The following LIPC variants were observed in gnomAD, a reference collection of about 807,000 sequenced individuals.
The protein encoded by LIPC is lipase C, hepatic type.
A neutral mutation model predicts 50.7 loss-of-function variants in LIPC; 44 were observed. The ratio of observed to expected loss-of-function variants is 0.87; its 90% CI spans 0.68 to 1.11. LIPC has a LOEUF of 1.11. LIPC is among the 50% of genes most tolerant of loss of function. The pLI is 0.00. For missense variants in LIPC, 697 were observed against 648.2 expected (o/e 1.08, Z -0.82); for synonymous variants, 271 against 256.4 (o/e 1.06, Z -0.54).
At chr15:58,530,016 T>C (rs1892910101) in intron 1 of LIPC, among the ~76,000 whole-genome samples, 1 of 152,256 alleles carries the variant, frequency 6.6e-6, no homozygotes, top group South Asian at 2.1e-4. Flanking sequence ...CTTGGTGTGG[T>C]AAAACGGATT....
intron 1 of LIPC, among the ~76,000 whole-genome samples, chr15:58,516,762 G>A (rs1409257742): frequency 6.6e-6 from 1 of 152,138 alleles, no homozygotes; most frequent in Non-Finnish European, 1.5e-5. Flanking sequence ...TATAAGAACT[G>A]TTTTAATGTT....
intron 1 of LIPC, among the ~76,000 whole-genome samples, chr15:58,467,430 C>T (rs916695401): frequency 2.0e-5 from 3 of 152,166 alleles, no homozygotes; most frequent in Non-Finnish European, 4.4e-5. Flanking sequence ...ATTCTGGTCC[C>T]CTCATAGAAG....
In LIPC at chr15:58,541,770, C is replaced by T. The variant is rs779264660; in HGVS notation, c.274-15C>T. 2 of 1,612,372 alleles carry T rather than the reference C, an allele frequency of 1.2e-6. No homozygotes were observed. The highest frequency in any genetic ancestry group is 2.2e-5 in the East Asian group (1 of 44,852). ...AAAGGAAACTAGTGCGACCCTCCCT[C>T]TGTCCCCTCCTCAGGTGGACGGCGT... On this transcript the variant is annotated splice_polypyrimidine_tract_variant and intron_variant, in intron 2 of 8. Coordinates refer to ENST00000299022, the MANE Select transcript of LIPC (RefSeq NM_000236.3).
chr15:58,450,291 GC>G (rs1341775030), intron 1 of LIPC, among the ~76,000 whole-genome samples: 1 of 152,180 alleles, frequency 6.6e-6, no homozygotes, highest in African/African-American at 2.4e-5. Context: ...ACAGATTGTG[GC>G]CCCCACTCTA....
At chr15:58,560,797 G>C (rs746781862) in intron 6 of LIPC, 67 bp from the exon 7 acceptor site, 64 of 739,090 alleles carry the variant, frequency 8.7e-5, no homozygotes, top group Middle Eastern at 2.6e-4. Context: ...TAAGAAATAA[G>C]AGATTTTTAA....
chr15:58,564,270 G>T (rs1894280197), intron 8 of LIPC, among the ~76,000 whole-genome samples: 1 of 151,894 alleles, frequency 6.6e-6, no homozygotes, highest in Non-Finnish European at 1.5e-5. Context: ...TTCATGGTGG[G>T]CTTGGGAAGG....
At chr15:58,471,141 T>C (rs1260088569) in intron 1 of LIPC, among the ~76,000 whole-genome samples, 4 of 144,424 alleles carry the variant, frequency 2.8e-5, no homozygotes, top group Non-Finnish European at 4.6e-5. Flanking sequence ...TCTCTTTTTT[T>C]TTTTTTTTTT....
chr15:58,563,886 A>C, intron 8 of LIPC, 163 bp downstream of exon 8: 1 of 711,306 alleles, frequency 1.4e-6, no homozygotes, highest in Non-Finnish European at 2.5e-6. Context: ...CCAACTTTAC[A>C]CAGCCACAGG....
At chr15:58,506,777 G>T (rs1427133257) in intron 1 of LIPC, among the ~76,000 whole-genome samples, 1 of 152,174 alleles carries the variant, frequency 6.6e-6, no homozygotes, top group Non-Finnish European at 1.5e-5. Context: ...GATGCTACAG[G>T]TGTGGGGGTG....
At chr15:58,531,170 G>C (rs1373921481) in intron 1 of LIPC, among the ~76,000 whole-genome samples, 2 of 152,160 alleles carry the variant, frequency 1.3e-5, no homozygotes, top group Non-Finnish European at 2.9e-5. Context: ...CCATTCTAAA[G>C]GGAGAGAAGT....
At chr15:58,449,103 G>A (rs1166061950) in intron 1 of LIPC, among the ~76,000 whole-genome samples, 2 of 152,162 alleles carry the variant, frequency 1.3e-5, no homozygotes, top group African/African-American at 4.8e-5. Context: ...GGAGGAGGGA[G>A]CGATTAGTCA....
In LIPC at chr15:58,569,546, G is replaced by C. The variant is rs1384817554; in HGVS notation, c.*719G>C. The C allele has an allele frequency of 6.6e-6, 1 of 152,212 alleles. No homozygotes were observed. Among genetic ancestry groups the C allele is most frequent in the Non-Finnish European group, 1.5e-5 (1 of 68,040 alleles). 9.4% of individuals were successfully genotyped at this position (152,212 alleles called of 1,614,324 possible). A position where few individuals can be genotyped will look rare whatever the true frequency, so the allele number is the denominator to read the frequency against. On this transcript the variant is annotated 3_prime_UTR_variant, in exon 9 of 9. Transcript: ENST00000299022. ...TCAAAGCATTTGCTATGGACTGAAT[G>C]TTTGAGTCACCCCAAAATTCATATG...
intron 6 of LIPC, among the ~76,000 whole-genome samples, chr15:58,551,544 T>C (rs1313676108): frequency 4.6e-5 from 7 of 152,152 alleles, no homozygotes; most frequent in African/African-American, 1.7e-4. Context: ...CGCGGAGAGT[T>C]CTACTGGTGA....
chr15:58,533,196 G>A (rs548455176), intron 1 of LIPC: 7 of 984,108 alleles, frequency 7.1e-6, no homozygotes, highest in Non-Finnish European at 8.4e-6. Flanking sequence ...AGGTATGCTT[G>A]GAGAATGTGC....
chr15:58,488,682 G>T (rs1382276667), intron 1 of LIPC, among the ~76,000 whole-genome samples: 1 of 152,214 alleles, frequency 6.6e-6, no homozygotes, highest in Non-Finnish European at 1.5e-5. Flanking sequence ...TCTTGAGAGG[G>T]AGTAGTTTAG....
At chr15:58,533,490 C>T (rs779860965) in intron 1 of LIPC, among the ~76,000 whole-genome samples, 18 of 152,062 alleles carry the variant, frequency 1.2e-4, no homozygotes, top group Non-Finnish European at 2.2e-4. Context: ...TAATAGATTC[C>T]GATAAATATT....
At chr15:58,447,982 A>C (rs139496963) in intron 1 of LIPC, among the ~76,000 whole-genome samples, 4 of 152,302 alleles carry the variant, frequency 2.6e-5, no homozygotes, top group Admixed American at 6.5e-5. Context: ...CCTTTATACT[A>C]CGTCTAGCAT....
chr15:58,567,195 C>A, intron 8 of LIPC, among the ~76,000 whole-genome samples: 1 of 119,862 alleles, frequency 8.3e-6, no homozygotes, highest in Non-Finnish European at 1.6e-5. Context: ...AGCGAGACTC[C>A]GTCTCAAAAA....
chr15:58,461,055 C>T (rs1894330253), intron 1 of LIPC, among the ~76,000 whole-genome samples: 1 of 152,136 alleles, frequency 6.6e-6, no homozygotes, highest in South Asian at 2.1e-4. Context: ...TGCAGAAACC[C>T]AGAAGTGAGG....
Sources: gnomAD v4.1 joint callset for allele counts (sites outside exome capture counted in the v4.1 genomes callset) on GRCh38, gnomAD v4.1.1 for gene constraint, MANE v1.5 for transcripts, NCBI Gene and HGNC (gene_info 2026-07-23, HGNC 2026-07-21) for gene names.